The following RNF145 variants were observed in gnomAD, a reference collection of about 807,000 sequenced individuals.
The protein encoded by RNF145 is ring finger protein 145.
A neutral mutation model predicts 57.3 loss-of-function variants in RNF145; 12 were observed. That is an observed-to-expected ratio of 0.21 (90% CI 0.13 to 0.34). The LOEUF is 0.34. Among genes scored for constraint, RNF145 ranks in the 10% least tolerant of loss-of-function variants. RNF145 has a pLI of 1.00. For missense variants in RNF145, 429 were observed against 799.0 expected (o/e 0.54, Z 5.58); for synonymous variants, 262 against 288.3 (o/e 0.91, Z 0.92).
intron 5 of RNF145, among the ~76,000 whole-genome samples, chr5:159,174,753 G>C (rs556901220): frequency 6.6e-6 from 1 of 151,322 alleles, no homozygotes; most frequent in African/African-American, 2.4e-5. Flanking sequence ...GGTTTGCCAA[G>C]TGTAAGTAAC....
At chr5:159,188,038 A>G (rs1422034873) in intron 3 of RNF145, among the ~76,000 whole-genome samples, 2 of 152,176 alleles carry the variant, frequency 1.3e-5, no homozygotes, top group East Asian at 3.9e-4. Flanking sequence ...CAAGTCACAG[A>G]CACACAAATC....
intron 1 of RNF145, among the ~76,000 whole-genome samples, 198 bp downstream of exon 1, chr5:159,209,033 G>C (rs1293456434): frequency 6.6e-6 from 1 of 151,984 alleles, no homozygotes; most frequent in Non-Finnish European, 1.5e-5. Flanking sequence ...GGATGGGAGG[G>C]AGGGGTGCTG....
intron 2 of RNF145, among the ~76,000 whole-genome samples, chr5:159,197,488 C>A (rs539227345): frequency 6.6e-6 from 1 of 152,170 alleles, no homozygotes; most frequent in Non-Finnish European, 1.5e-5. Flanking sequence ...CTCATCTATA[C>A]CCCATTTTTA....
At position 159,203,593 on chromosome 5, in the gene RNF145, C is replaced by T; in HGVS notation, c.25G>A (p.Ala9Thr). The change falls in exon 2 of 11, where the codon GCA becomes ACA. Residue 9 changes from alanine (A) to threonine (T), a missense_variant. Ala to Thr is a moderately conservative substitution (Grantham distance 58, BLOSUM62 0). Around this residue, in one of 4 missense-constraint regions of RNF145, gnomAD observed 109 missense variants for 207.2 expected, o/e 0.53. Coordinates refer to ENST00000424310, the MANE Select transcript of RNF145 (RefSeq NM_001199383.2). MAAKEKLE[A>T]VLNVALRVPS... Reference sequence around the variant, plus strand: ...ACCCTCAGGGCCACATTTAACACTGCCTCCAGTTTCTCCTTTGCAGCCATG... The same window carrying T: ...ACCCTCAGGGCCACATTTAACACTGTCTCCAGTTTCTCCTTTGCAGCCATG... 1 of 1,613,886 alleles carries T rather than the reference C, an allele frequency of 6.2e-7. No homozygotes were observed. The highest frequency in any genetic ancestry group is 8.5e-7 in the Non-Finnish European group (1 of 1,179,968).
At chr5:159,183,929 A>G (rs1784977843) in intron 3 of RNF145, among the ~76,000 whole-genome samples, 3 of 152,218 alleles carry the variant, frequency 2.0e-5, no homozygotes, top group African/African-American at 7.2e-5. Context: ...CAACATTATG[A>G]ATGTACTATA....
chr5:159,165,078 GTACTGTCATC>G (rs59067860), intron 8 of RNF145, among the ~76,000 whole-genome samples: 2,255 of 152,230 alleles, frequency 0.015, 39 homozygotes, highest in African/African-American at 0.043. Flanking sequence ...GATTGACGAT[GTACTGTCATC>G]ATTTGTCTGT....
chr5:159,207,976 C>T, intron 1 of RNF145: 6 of 1,581,892 alleles, frequency 3.8e-6, no homozygotes, highest in Non-Finnish European at 5.1e-6. Flanking sequence ...TAAAACTGCA[C>T]ACTCCGTATT....
intron 3 of RNF145, among the ~76,000 whole-genome samples, chr5:159,193,434 C>T (rs565501263): frequency 1.6e-4 from 24 of 152,256 alleles, no homozygotes; most frequent in Admixed American, 5.9e-4. Context: ...TTCTGGGAAA[C>T]ACCCTGGGAC....
intron 4 of RNF145, among the ~76,000 whole-genome samples, chr5:159,178,189 AT>A (rs1216919155): frequency 6.6e-6 from 1 of 151,956 alleles, no homozygotes; most frequent in Non-Finnish European, 1.5e-5. Flanking sequence ...TTTTTAGCTA[AT>A]TTTTAATTTT....
chr5:159,166,249 C>T (rs1304127411), intron 8 of RNF145, among the ~76,000 whole-genome samples: 1 of 152,128 alleles, frequency 6.6e-6, no homozygotes, highest in Non-Finnish European at 1.5e-5. Context: ...AGTTTTTTGT[C>T]CCTTTCTCTT....
Position 159,161,322 on chromosome 5 carries a change from T to A in RNF145, c.1570A>T (p.Ile524Phe). Reference protein sequence around the residue: ...DAVNKIKSLPIATKEQLEKHN... With the variant: ...DAVNKIKSLPFATKEQLEKHN... ...TTCTCAAGCTGCTCTTTCGTAGCAA[T>A]GGGTAACGATTTAATCTTATTCACA... is the stretch of plus-strand genomic sequence containing the variant. The change falls in exon 10 of 11, where the codon ATT becomes TTT. Residue 524 changes from isoleucine to phenylalanine, a missense_variant. Coordinates refer to ENST00000424310, the MANE Select transcript of RNF145 (RefSeq NM_001199383.2). The A allele has an allele frequency of 6.2e-7, 1 of 1,614,004 alleles. No individual in the cohort carries two copies. Among genetic ancestry groups the A allele is most frequent in the Non-Finnish European group, 8.5e-7 (1 of 1,179,954 alleles).
At chr5:159,162,232 T>C (rs370010509) in intron 9 of RNF145, among the ~76,000 whole-genome samples, 204 of 152,304 alleles carry the variant, frequency 1.3e-3, no homozygotes, top group African/African-American at 4.5e-3. Flanking sequence ...ATTGGTATTT[T>C]TGAGTGGAAT....
chr5:159,172,087 GTAACAATCTGGTT>G (rs1784578380), intron 6 of RNF145, among the ~76,000 whole-genome samples: 1 of 152,152 alleles, frequency 6.6e-6, no homozygotes, highest in Non-Finnish European at 1.5e-5. Flanking sequence ...TTTGCAGCGG[GTAACAATCTGGTT>G]TAAAGCACCA....
chr5:159,166,918 G>C (rs1304445430), intron 8 of RNF145, among the ~76,000 whole-genome samples: 3 of 151,984 alleles, frequency 2.0e-5, no homozygotes, highest in Non-Finnish European at 2.9e-5. Context: ...GAGCCCAGGA[G>C]TTCGAGTCCA....
At chr5:159,194,873 T>C in intron 2 of RNF145, 49 bp from the exon 3 acceptor site, 1 of 1,280,864 alleles carries the variant, frequency 7.8e-7, no homozygotes, top group Non-Finnish European at 1.1e-6. Context: ...GTTTCCCAAT[T>C]AATTACAATA....
intron 8 of RNF145, among the ~76,000 whole-genome samples, chr5:159,166,874 A>G (rs954449186): frequency 1.3e-5 from 2 of 152,202 alleles, no homozygotes; most frequent in Non-Finnish European, 2.9e-5. Context: ...CATGTGTCCC[A>G]GCTCCACAGA....
chr5:159,161,377 C>G lies in RNF145; in HGVS notation c.1515G>C (p.Gly505=). ...CCCTGCGGAGAAGAAAGCTCTTCCA[C>G]CCCAGCTGGGCCCGAAGCCACACGT... is the stretch of plus-strand genomic sequence containing the variant. ...YYNVWLRAQL[G]WKSFLLRRDA... is the part of the protein sequence containing the mutation. Residue 505 remains glycine (G), a synonymous_variant, in exon 10 of 11, where the codon GGG becomes GGC. Coordinates refer to ENST00000424310, the MANE Select transcript of RNF145 (RefSeq NM_001199383.2). 6.2e-7 allele frequency: 1 copy of G among 1,614,106 alleles called. No homozygotes were observed. The highest frequency in any genetic ancestry group is 8.5e-7 in the Non-Finnish European group (1 of 1,179,980).
At chr5:159,193,842 G>C (rs1227323653) in intron 3 of RNF145, among the ~76,000 whole-genome samples, 1 of 152,008 alleles carries the variant, frequency 6.6e-6, no homozygotes, top group Non-Finnish European at 1.5e-5. Context: ...CTATATGCAA[G>C]GTCACTCCTC....
chr5:159,188,574 C>T (rs1293387633), intron 3 of RNF145, among the ~76,000 whole-genome samples: 1 of 152,050 alleles, frequency 6.6e-6, no homozygotes, highest in African/African-American at 2.4e-5. Context: ...CGGATTAGCA[C>T]TAGAAAAATA....
Sources: gnomAD v4.1 joint callset for allele counts (sites outside exome capture counted in the v4.1 genomes callset) on GRCh38, gnomAD v4.1.1 for gene constraint, gnomAD v4.1.1 regional missense constraint, MANE v1.5 for transcripts, NCBI Gene and HGNC (gene_info 2026-07-23, HGNC 2026-07-21) for gene names.